The following GALNT14 variants were observed in gnomAD, a reference collection of about 807,000 sequenced individuals.
GALNT14 encodes the protein UDP-GalNAc:polypeptide N-acetylgalactosaminyltransferase 14.
A neutral mutation model predicts 77.5 loss-of-function variants in GALNT14; 60 were observed. That is an observed-to-expected ratio of 0.77 (90% CI 0.63 to 0.96). The LOEUF (loss-of-function observed/expected upper bound fraction) is 0.96, where lower values mean the gene tolerates loss of function less well. Among genes scored for constraint, GALNT14 ranks in the 40% least tolerant of loss-of-function variants. GALNT14 has a pLI of 0.00. For synonymous variants in GALNT14, 280 were observed against 281.7 expected (o/e 0.99, Z 0.06); for missense variants, 710 against 731.0 (o/e 0.97, Z 0.33).
chr2:31,031,265 G>A (rs1483869513), intron 1 of GALNT14, among the ~76,000 whole-genome samples: 3 of 152,130 alleles, frequency 2.0e-5, no homozygotes, highest in African/African-American at 7.2e-5. Context: ...AGCCCCAGAG[G>A]TTGGGGAGAA....
chr2:31,047,021 C>T (rs1051799577), intron 1 of GALNT14, among the ~76,000 whole-genome samples: 1 of 152,174 alleles, frequency 6.6e-6, no homozygotes, highest in Non-Finnish European at 1.5e-5. Flanking sequence ...CAAGAAGTGG[C>T]TTGGCTGGAA....
At chr2:31,000,945 A>G (rs1295898204) in intron 1 of GALNT14, among the ~76,000 whole-genome samples, 1 of 152,232 alleles carries the variant, frequency 6.6e-6, no homozygotes, top group Non-Finnish European at 1.5e-5. Flanking sequence ...ATAGTAAGAA[A>G]CTATATCCCC....
At chr2:30,924,708 C>A in intron 12 of GALNT14, 32 bp downstream of exon 12, 2 of 1,592,876 alleles carry the variant, frequency 1.3e-6, no homozygotes, top group Non-Finnish European at 1.7e-6. Flanking sequence ...CTGCTTTCAG[C>A]CAGCCAAAGC....
At chr2:31,102,049 T>C (rs1320004174) in intron 1 of GALNT14, among the ~76,000 whole-genome samples, 1 of 152,140 alleles carries the variant, frequency 6.6e-6, no homozygotes, top group Non-Finnish European at 1.5e-5. Flanking sequence ...GTGAGTCAAT[T>C]AAACCTCTTT....
At chr2:31,079,167 G>C in intron 1 of GALNT14, 1 of 717,792 alleles carries the variant, frequency 1.4e-6, no homozygotes, top group Non-Finnish European at 1.9e-6. Flanking sequence ...TATTGCCCAG[G>C]CTCCACATCA....
chr2:30,902,624 A>T, the GALNT14 span, among the ~76,000 whole-genome samples: 2 of 152,028 alleles, frequency 1.3e-5, no homozygotes, highest in Non-Finnish European at 2.9e-5. Flanking sequence ...ACCCAACACC[A>T]CCTGCATTCT....
chr2:30,942,966 A>C (rs1666470820), intron 8 of GALNT14, among the ~76,000 whole-genome samples: 2 of 152,180 alleles, frequency 1.3e-5, no homozygotes, highest in Admixed American at 6.5e-5. Flanking sequence ...TCCTTATAAA[A>C]AGGGGAAATT....
the GALNT14 span, among the ~76,000 whole-genome samples, chr2:30,887,326 C>T: frequency 6.6e-6 from 1 of 152,304 alleles, no homozygotes; most frequent in South Asian, 2.1e-4. Context: ...TGACATTTTA[C>T]ACTCCTACCA....
chr2:30,932,806 G>T (rs887104663), intron 9 of GALNT14, among the ~76,000 whole-genome samples: 1 of 152,198 alleles, frequency 6.6e-6, no homozygotes, highest in African/African-American at 2.4e-5. Context: ...CTACCACTGG[G>T]GAAGAGCCAC....
intron 1 of GALNT14, among the ~76,000 whole-genome samples, chr2:31,107,659 T>G (rs1419830496): frequency 6.6e-6 from 1 of 152,288 alleles, no homozygotes; most frequent in Middle Eastern, 3.4e-3. Flanking sequence ...ACGAGTCACC[T>G]CTTGAGACTC....
At chr2:30,982,496 CTG>C (rs1414683093) in intron 2 of GALNT14, among the ~76,000 whole-genome samples, 2 of 152,186 alleles carry the variant, frequency 1.3e-5, no homozygotes, top group African/African-American at 2.4e-5. Flanking sequence ...AATAAACAAA[CTG>C]TGTCTTGCAA....
intron 1 of GALNT14, among the ~76,000 whole-genome samples, chr2:31,013,576 G>A (rs1051386288): frequency 2.0e-5 from 3 of 152,170 alleles, no homozygotes; most frequent in Non-Finnish European, 1.5e-5. Context: ...CTGAGGTGCC[G>A]TTCAAGTACG....
At chr2:31,081,883 AT>A (rs1405769649) in intron 1 of GALNT14, among the ~76,000 whole-genome samples, 1 of 152,170 alleles carries the variant, frequency 6.6e-6, no homozygotes, top group African/African-American at 2.4e-5. Flanking sequence ...ATTTGAATCA[AT>A]TTGATTTTAA....
At chr2:31,026,172 C>G (rs924117957) in intron 1 of GALNT14, among the ~76,000 whole-genome samples, 1 of 152,202 alleles carries the variant, frequency 6.6e-6, no homozygotes, top group Non-Finnish European at 1.5e-5. Context: ...AAGGACATTT[C>G]TTCCAGTAAG....
intron 8 of GALNT14, 42 bp downstream of exon 8, chr2:30,944,816 G>T (rs1470156888): frequency 1.4e-6 from 2 of 1,463,082 alleles, no homozygotes; most frequent in African/African-American, 1.4e-5. Flanking sequence ...AGGATCCAGT[G>T]GTGATGGTCT....
At chr2:31,028,777 G>A (rs775394924) in intron 1 of GALNT14, among the ~76,000 whole-genome samples, 11 of 152,166 alleles carry the variant, frequency 7.2e-5, no homozygotes, top group Non-Finnish European at 1.5e-4. Flanking sequence ...ATGTGGAGAT[G>A]TAAAAATGAC....
chr2:31,134,749 G>A (rs1231619142), intron 1 of GALNT14, among the ~76,000 whole-genome samples: 1 of 152,194 alleles, frequency 6.6e-6, no homozygotes, highest in Non-Finnish European at 1.5e-5. Flanking sequence ...GGAGCTCTGG[G>A]AAGCGGGTGG....
intron 1 of GALNT14, among the ~76,000 whole-genome samples, chr2:31,117,969 T>C (rs184976844): frequency 2.0e-5 from 3 of 152,330 alleles, no homozygotes; most frequent in African/African-American, 4.8e-5. Context: ...GGTTTTATAG[T>C]GTGGCCTATA....
At chr2:30,895,226 C>T in the GALNT14 span, among the ~76,000 whole-genome samples, 1 of 152,190 alleles carries the variant, frequency 6.6e-6, no homozygotes, top group Admixed American at 6.5e-5. Flanking sequence ...CTGACAGAGG[C>T]AGTGGGGGGT....
Sources: gnomAD v4.1 joint callset for allele counts (sites outside exome capture counted in the v4.1 genomes callset) on GRCh38, gnomAD v4.1.1 for gene constraint, MANE v1.5 for transcripts, NCBI Gene and HGNC (gene_info 2026-07-23, HGNC 2026-07-21) for gene names.